FRMPD4: variants seen among roughly 807,000 people sequenced by gnomAD.
FRMPD4 encodes the protein FERM and PDZ domain-containing protein 4.
FRMPD4 carries 22 observed loss-of-function variants against 94.1 expected under a neutral mutation model. That is an observed-to-expected ratio of 0.23 (90% CI 0.17 to 0.33). The LOEUF (loss-of-function observed/expected upper bound fraction) is 0.33, where lower values mean the gene tolerates loss of function less well. Among genes scored for constraint, FRMPD4 ranks in the 10% least tolerant of loss-of-function variants. The probability of loss-of-function intolerance (pLI) is 1.00; values close to 1 mark genes in which losing one functional copy is unlikely to be tolerated. For missense variants in FRMPD4, 1,111 were observed against 1,339.9 expected (o/e 0.83, Z 2.67); for synonymous variants, 631 against 548.6 (o/e 1.15, Z -2.10).
chrX:12,121,783 C>T (rs949646008), intron 3 of FRMPD4, among the ~76,000 whole-genome samples: 1 of 111,803 alleles, frequency 8.9e-6, no homozygotes, highest in South Asian at 3.7e-4. Flanking sequence ...TCCAAGGTTA[C>T]TCATCTCTGG....
At chrX:12,703,103 G>C (rs1291215409) in intron 10 of FRMPD4, among the ~76,000 whole-genome samples, 1 of 112,747 alleles carries the variant, frequency 8.9e-6, no homozygotes, top group Non-Finnish European at 1.9e-5. Flanking sequence ...AAACGTCTCA[G>C]AGATATCTGG....
chrX:12,561,341 T>C (rs1299289448), intron 2 of FRMPD4, among the ~76,000 whole-genome samples: 1 of 112,407 alleles, frequency 8.9e-6, no homozygotes, highest in Non-Finnish European at 1.9e-5. Flanking sequence ...ATTCCTTAGC[T>C]ATAAGTCATA....
chrX:12,159,738 C>G (rs984677144), intron 1 of FRMPD4, among the ~76,000 whole-genome samples: 2 of 112,050 alleles, frequency 1.8e-5, no homozygotes, highest in Non-Finnish European at 3.8e-5. Flanking sequence ...CTTACAGGGA[C>G]AATGGGTGAG....
At chrX:12,079,068 G>A (rs1280294567) in intron 3 of FRMPD4, among the ~76,000 whole-genome samples, 1 of 111,406 alleles carries the variant, frequency 9.0e-6, no homozygotes, top group Non-Finnish European at 1.9e-5. Context: ...GATGATCTAA[G>A]GCAATTGGAA....
At position 12,587,460 on chromosome X, in the gene FRMPD4, C is replaced by G. The variant is rs185220497; in HGVS notation, c.159-22261C>G. 9.3e-3 allele frequency among the ~76,000 whole-genome samples: 1,037 copies of G among 111,342 alleles called. 13 individuals carry two copies. Among genetic ancestry groups the G allele is most frequent in the African/African-American group, 0.031 (939 of 30,589 alleles). ...CCATCCCCCTTCTCCCCACCCCTAG[C>G]AACCACTAATCTGCTGTCTCCATGG... On this transcript the variant is annotated intron_variant, in intron 2 of 16. Transcript: ENST00000675598.
At chrX:12,457,588 T>G (rs886299300) in intron 1 of FRMPD4, among the ~76,000 whole-genome samples, 1 of 111,792 alleles carries the variant, frequency 8.9e-6, no homozygotes, top group African/African-American at 3.2e-5. Flanking sequence ...CTTGACAATG[T>G]GATGGTTAAG....
chrX:12,444,497 G>A (rs1368805693), intron 1 of FRMPD4, among the ~76,000 whole-genome samples: 2 of 112,088 alleles, frequency 1.8e-5, no homozygotes, highest in Non-Finnish European at 3.8e-5. Flanking sequence ...AGACAGTGAA[G>A]TTCTTGGGAC....
intron 1 of FRMPD4, among the ~76,000 whole-genome samples, chrX:12,161,730 G>T (rs1186712003): frequency 1.8e-5 from 2 of 111,653 alleles, no homozygotes; most frequent in Non-Finnish European, 3.8e-5. Flanking sequence ...TGATCACTGG[G>T]ATCTGCATTT....
chrX:12,552,088 T>C (rs759237937), intron 2 of FRMPD4, among the ~76,000 whole-genome samples: 1 of 111,865 alleles, frequency 8.9e-6, no homozygotes, highest in Admixed American at 9.6e-5. Context: ...GAATTTGCTT[T>C]CTGGTATAAC....
chrX:12,491,986 A>G (rs1408335686), intron 1 of FRMPD4, among the ~76,000 whole-genome samples: 1 of 112,307 alleles, frequency 8.9e-6, no homozygotes, highest in African/African-American at 3.2e-5. Context: ...AATCTTAGCC[A>G]TTCTACTATG....
chrX:12,085,078 A>G (rs1191034184), intron 3 of FRMPD4, among the ~76,000 whole-genome samples: 2 of 111,936 alleles, frequency 1.8e-5, no homozygotes, highest in Non-Finnish European at 3.8e-5. Context: ...TACTAATCTC[A>G]ATTAAACAAT....
At position 12,548,072 on chromosome X, in the gene FRMPD4, A is replaced by G. The variant is rs183083784; in HGVS notation, c.158+49276A>G. ...TATCCTTGTTAATTCTCAAACAGGG[A>G]AAAATGTAAACCTTAACTTTTATTT... On this transcript the variant is annotated intron_variant, in intron 2 of 16. Transcript: ENST00000675598. Among the ~76,000 whole-genome samples the G allele has an allele frequency of 3.2e-3, 358 of 112,255 alleles. 2 individuals carry two copies. Among genetic ancestry groups the G allele is most frequent in the African/African-American group, 0.011 (347 of 30,953 alleles).
rs373525886 is a variant in FRMPD4 at position 12,393,397 on chromosome X, G to A, written c.42-105283G>A. Among the ~76,000 whole-genome samples the A allele has an allele frequency of 1.1e-4, 12 of 111,269 alleles. No homozygotes were observed. In the East Asian group the frequency reaches 2.2e-3, roughly 21 times the overall value. On this transcript the variant is annotated intron_variant, in intron 1 of 16. Coordinates refer to ENST00000675598, the MANE Select transcript of FRMPD4 (RefSeq NM_001368397.1). The stretch of plus-strand genomic sequence containing the variant: ...TTTCTATTTTCCTAATAGAATTTTC[G>A]TGACCACAGAGGTAATTTTTTAAAA...
At chrX:11,844,074 G>C (rs1417813251) in intron 1 of FRMPD4, among the ~76,000 whole-genome samples, 1 of 97,561 alleles carries the variant, frequency 1.0e-5, no homozygotes, top group Non-Finnish European at 2.0e-5. Context: ...TACAACCTCT[G>C]CCTCCCAAGT....
At chrX:12,520,207 A>C (rs1468775557) in intron 2 of FRMPD4, among the ~76,000 whole-genome samples, 1 of 111,940 alleles carries the variant, frequency 8.9e-6, no homozygotes, top group Non-Finnish European at 1.9e-5. Flanking sequence ...AAAACTATGG[A>C]AATACTGTTA....
chrX:11,857,872 G>A (rs2053662531), intron 1 of FRMPD4, among the ~76,000 whole-genome samples: 1 of 111,906 alleles, frequency 8.9e-6, no homozygotes, highest in Non-Finnish European at 1.9e-5. Flanking sequence ...AACAAAGACA[G>A]CCCTATAAAA....
At chrX:12,163,672 A>T (rs1441653781) in intron 1 of FRMPD4, among the ~76,000 whole-genome samples, 2 of 112,111 alleles carry the variant, frequency 1.8e-5, no homozygotes, top group African/African-American at 6.5e-5. Flanking sequence ...GAATGACTTC[A>T]TGGGGCTCAG....
rs950477024 is a variant in FRMPD4 at position 12,014,709 on chromosome X, G to A, written c.95+136691G>A. ...TATACATACTGGAGTGTGTGTCTGTGTGTGTGTGTGTTTAGGGAATTTGAG... is the reference window on the plus strand; with the variant it reads ...TATACATACTGGAGTGTGTGTCTGTATGTGTGTGTGTTTAGGGAATTTGAG... On this transcript the variant is annotated intron_variant, in intron 3 of 18. Transcript: ENST00000640291. 6.2e-5 allele frequency among the ~76,000 whole-genome samples: 7 copies of A among 112,023 alleles called. 1 individual carries two copies. The South Asian group carries it at 2.3e-3, about 36-fold the overall frequency.
intron 3 of FRMPD4, among the ~76,000 whole-genome samples, chrX:11,907,373 A>G (rs1233483205): frequency 9.0e-6 from 1 of 111,646 alleles, no homozygotes; most frequent in East Asian, 2.8e-4. Context: ...ACCTGGATAG[A>G]AGGCTGGATA....
Sources: allele counts gnomAD v4.1 joint callset (sites outside exome capture counted in the v4.1 genomes callset), GRCh38; gene constraint gnomAD v4.1.1; transcripts MANE v1.5; gene names NCBI Gene and HGNC (gene_info 2026-07-23, HGNC 2026-07-21).